ACCSL: variants seen among roughly 807,000 people sequenced by gnomAD.
ACCSL encodes 1-aminocyclopropane-1-carboxylate synthase homolog (inactive) like, also known as probable inactive 1-aminocyclopropane-1-carboxylate synthase-like protein 2.
In ACCSL, 55 loss-of-function variants were observed where a neutral mutation model predicts 61.7. The ratio of observed to expected loss-of-function variants is 0.89; its 90% CI spans 0.72 to 1.12. ACCSL has a LOEUF of 1.12. Among genes scored for constraint, ACCSL ranks in the 50% most tolerant of loss-of-function variants. The probability of loss-of-function intolerance (pLI) is 0.00; values close to 1 mark genes in which losing one functional copy is unlikely to be tolerated. For missense variants in ACCSL, 632 were observed against 698.0 expected (o/e 0.91, Z 1.07); for synonymous variants, 258 against 264.3 (o/e 0.98, Z 0.23).
At chr11:44,053,159 C>A in intron 7 of ACCSL, 91 bp downstream of exon 7, 2 of 1,195,542 alleles carry the variant, frequency 1.7e-6, no homozygotes, top group African/African-American at 1.5e-5. Flanking sequence ...TTCACCAAGA[C>A]CTGGTGGGCT....
the ACCSL span, among the ~76,000 whole-genome samples, chr11:43,986,489 C>T: frequency 1.1e-4 from 16 of 152,298 alleles, no homozygotes; most frequent in Middle Eastern, 3.4e-3. Context: ...AGACCTCTCC[C>T]GGGGCCTCCC....
the ACCSL span, among the ~76,000 whole-genome samples, chr11:44,042,835 C>T: frequency 1.3e-5 from 2 of 152,068 alleles, no homozygotes; most frequent in Admixed American, 6.6e-5. Context: ...AATCCCAGCA[C>T]TTTGGGAGGC....
chr11:43,997,575 A>G, the ACCSL span, among the ~76,000 whole-genome samples: 1 of 151,886 alleles, frequency 6.6e-6, no homozygotes, highest in Non-Finnish European at 1.5e-5. Flanking sequence ...TCCCTTAACT[A>G]TTGTTTCAGG....
chr11:43,999,409 T>C, the ACCSL span, among the ~76,000 whole-genome samples: 1 of 152,140 alleles, frequency 6.6e-6, no homozygotes. Flanking sequence ...CAGCTGGGGC[T>C]GGGATTTCAT....
chr11:43,952,529 T>C, the ACCSL span, among the ~76,000 whole-genome samples: 1 of 152,166 alleles, frequency 6.6e-6, no homozygotes, highest in Non-Finnish European at 1.5e-5. Context: ...TTCCAGACAT[T>C]GTATGGAAAA....
chr11:44,002,289 T>A, the ACCSL span, among the ~76,000 whole-genome samples: 35 of 152,056 alleles, frequency 2.3e-4, no homozygotes, highest in East Asian at 6.4e-3. Context: ...CTCGAAGGAT[T>A]CTCCCCTTCA....
At chr11:44,053,949 G>A (rs1017766153) in intron 8 of ACCSL, among the ~76,000 whole-genome samples, 5 of 152,072 alleles carry the variant, frequency 3.3e-5, no homozygotes, top group Admixed American at 6.6e-5. Flanking sequence ...GAAGGAAAAC[G>A]CAATCACATG....
the ACCSL span, among the ~76,000 whole-genome samples, chr11:43,992,054 C>CTTTTTTT: frequency 1.8e-5 from 2 of 114,140 alleles, no homozygotes; most frequent in Non-Finnish European, 1.7e-5. Flanking sequence ...TTCTTTCTTT[C>CTTTTTTT]TTTTTTTTTT....
the ACCSL span, among the ~76,000 whole-genome samples, chr11:43,982,851 C>T: frequency 0.05 from 7,636 of 152,210 alleles, 230 homozygotes; most frequent in Middle Eastern, 0.1. Context: ...GGGATTCACA[C>T]GGTGGGAGAA....
At chr11:43,934,452 C>A in the ACCSL span, among the ~76,000 whole-genome samples, 6 of 152,164 alleles carry the variant, frequency 3.9e-5, no homozygotes, top group Non-Finnish European at 5.9e-5. Flanking sequence ...ATGCCACATT[C>A]ACATTTGCAT....
chr11:43,942,675 G>T, the ACCSL span: 1 of 220,078 alleles, frequency 4.5e-6, no homozygotes, highest in South Asian at 4.5e-5. Flanking sequence ...CTCGGAGCGC[G>T]GCGGAACAGC....
the ACCSL span, chr11:43,943,927 C>T: frequency 1.8e-6 from 2 of 1,134,436 alleles, no homozygotes; most frequent in African/African-American, 1.6e-5. The surrounding 1 kb of genome is among the most constrained non-coding windows in gnomAD (Gnocchi z 4.8). Context: ...GGTCCAGGCT[C>T]CCAAGACTCG....
the ACCSL span, among the ~76,000 whole-genome samples, chr11:43,971,045 T>A: frequency 2.0e-5 from 3 of 151,950 alleles, no homozygotes; most frequent in African/African-American, 7.2e-5. Context: ...AGAAAACCAG[T>A]AATATGGCCA....
chr11:43,922,412 G>A, the ACCSL span: 1 of 152,230 alleles, frequency 6.6e-6, no homozygotes, highest in Admixed American at 6.5e-5. Flanking sequence ...TGAGCCTCAG[G>A]GCTGGCTCCT....
At chr11:44,001,709 G>A in the ACCSL span, among the ~76,000 whole-genome samples, 10 of 151,264 alleles carry the variant, frequency 6.6e-5, no homozygotes, top group Admixed American at 6.6e-4. Flanking sequence ...TTACAGAAAA[G>A]GAGGCCAGCC....
the ACCSL span, chr11:43,944,413 C>G: frequency 6.4e-6 from 1 of 156,166 alleles, no homozygotes. Context: ...ACTCCCTGAC[C>G]GCAGTTGACC....
the ACCSL span, among the ~76,000 whole-genome samples, chr11:43,939,985 G>A: frequency 2.8e-4 from 42 of 152,186 alleles, no homozygotes; most frequent in East Asian, 6.9e-3. Flanking sequence ...TGTCTTCAGG[G>A]AAATCCCAAA....
the ACCSL span, among the ~76,000 whole-genome samples, chr11:43,982,205 C>T: frequency 4.0e-5 from 6 of 150,084 alleles, no homozygotes; most frequent in Non-Finnish European, 8.9e-5. Context: ...CTCTGTCCTG[C>T]CTCTCCCACC....
At chr11:43,965,487 T>A in the ACCSL span, among the ~76,000 whole-genome samples, 2 of 152,216 alleles carry the variant, frequency 1.3e-5, no homozygotes, top group African/African-American at 4.8e-5. Flanking sequence ...CCCATATTCA[T>A]GGATTGGGAG....
Sources: allele counts gnomAD v4.1 joint callset (sites outside exome capture counted in the v4.1 genomes callset), GRCh38; gene constraint gnomAD v4.1.1; non-coding constraint Gnocchi (gnomAD v3.1); transcripts MANE v1.5; gene names NCBI Gene and HGNC (gene_info 2026-07-23, HGNC 2026-07-21).